ZHX2: variants seen among roughly 807,000 people sequenced by gnomAD.
The protein encoded by ZHX2 is zinc fingers and homeoboxes 2, also known as zinc fingers and homeoboxes protein 2.
Under a neutral mutation model 21.9 loss-of-function variants are expected in ZHX2, and 6 were observed. The ratio of observed to expected loss-of-function variants is 0.27; its 90% CI spans 0.15 to 0.54. The LOEUF is 0.54. Among genes scored for constraint, ZHX2 ranks in the 20% least tolerant of loss-of-function variants. ZHX2 has a pLI of 0.95. For synonymous variants in ZHX2, 434 were observed against 437.1 expected (o/e 0.99, Z 0.09); for missense variants, 908 against 1,090.7 (o/e 0.83, Z 2.36).
rs191609540 is a variant in ZHX2 at position 122,961,599 on chromosome 8, C to T, written c.*4+7571C>T. Among the ~76,000 whole-genome samples, 812 of 152,136 alleles carry T rather than the reference C, an allele frequency of 5.3e-3. 4 individuals are homozygous for T. Among genetic ancestry groups the T allele is most frequent in the African/African-American group, 0.018 (741 of 41,462 alleles). The stretch of plus-strand genomic sequence containing the variant: ...GGAAACTTACGATCATGGCGGAAGG[C>T]GAAGGGGAAGCAAGGCACCTTCTTC... On this transcript the variant is annotated intron_variant, in intron 3 of 3. Transcript: ENST00000314393.
rs368060235 is a variant in ZHX2 at position 122,799,868 on chromosome 8, T to C, written c.-283+17922T>C. Among the ~76,000 whole-genome samples, 10 of 152,344 alleles carry C rather than the reference T, an allele frequency of 6.6e-5. No homozygotes were observed. In the South Asian group the frequency reaches 2.1e-3, roughly 32 times the overall value. On this transcript the variant is annotated intron_variant, in intron 1 of 3. Transcript: ENST00000314393. ...CTTTTCTTTTCTTTTTCTTTTTGCT[T>C]TTCTTTTTTTTTGAGATGGAGTTTC...
intron 2 of ZHX2, among the ~76,000 whole-genome samples, chr8:122,932,986 C>CTTCACCAT (rs1006514142): frequency 2.0e-5 from 3 of 152,088 alleles, no homozygotes; most frequent in African/African-American, 7.2e-5. Context: ...AAGAGTAAAC[C>CTTCACCAT]TTCACCATTT....
intron 2 of ZHX2, among the ~76,000 whole-genome samples, chr8:122,933,142 GC>G (rs989383986): frequency 6.6e-6 from 1 of 152,170 alleles, no homozygotes; most frequent in Non-Finnish European, 1.5e-5. Flanking sequence ...CTGCTGAAAA[GC>G]CCTGTCTCGC....
intron 1 of ZHX2, among the ~76,000 whole-genome samples, chr8:122,848,595 C>T (rs986413029): frequency 2.6e-5 from 4 of 152,168 alleles, no homozygotes; most frequent in African/African-American, 9.7e-5. Flanking sequence ...TTGCAGGTCC[C>T]ACTGTCCATC....
chr8:122,879,128 C>G (rs1376647543), intron 2 of ZHX2, among the ~76,000 whole-genome samples: 2 of 152,214 alleles, frequency 1.3e-5, no homozygotes, highest in African/African-American at 4.8e-5. Flanking sequence ...GAATCTGTTA[C>G]TCAAGGATTC....
chr8:122,902,331 A>G (rs1820252553), intron 2 of ZHX2, among the ~76,000 whole-genome samples: 1 of 152,208 alleles, frequency 6.6e-6, no homozygotes, highest in Non-Finnish European at 1.5e-5. Flanking sequence ...AAGAGACAGC[A>G]TGACATAATG....
rs569189473 is a variant in ZHX2 at position 122,853,159 on chromosome 8, T to G, written c.-282-10318T>G. ...TGATTTTAACAAATACAGCCTTTGA[T>G]CACTCTCAGCTACCTGCCACACTGG... On this transcript the variant is annotated intron_variant, in intron 1 of 3. Coordinates refer to ENST00000314393, the MANE Select transcript of ZHX2 (RefSeq NM_014943.5). 2.0e-5 allele frequency among the ~76,000 whole-genome samples: 3 copies of G among 152,304 alleles called. No homozygotes were observed. In the East Asian group the frequency reaches 5.8e-4, roughly 29 times the overall value.
At chr8:122,919,386 C>T (rs1049273699) in intron 2 of ZHX2, among the ~76,000 whole-genome samples, 2 of 152,180 alleles carry the variant, frequency 1.3e-5, no homozygotes, top group African/African-American at 4.8e-5. Flanking sequence ...TCTATTTTTT[C>T]TGCTCCAACA....
chr8:122,867,841 C>A (rs1819336466), intron 2 of ZHX2, among the ~76,000 whole-genome samples: 1 of 152,198 alleles, frequency 6.6e-6, no homozygotes. Flanking sequence ...GAAAGCATAG[C>A]TTTTTTCTTG....
At chr8:122,900,603 A>T (rs1414161422) in intron 2 of ZHX2, among the ~76,000 whole-genome samples, 1 of 152,134 alleles carries the variant, frequency 6.6e-6, no homozygotes, top group South Asian at 2.1e-4. Context: ...GTGGGTTCTG[A>T]TATCTGAGGC....
chr8:122,961,142 C>G (rs1376973230), intron 3 of ZHX2, among the ~76,000 whole-genome samples: 1 of 152,194 alleles, frequency 6.6e-6, no homozygotes, highest in African/African-American at 2.4e-5. Context: ...CTCAGGACAC[C>G]AGCAGGGTTA....
At chr8:122,790,190 G>A (rs7835169) in intron 1 of ZHX2, among the ~76,000 whole-genome samples, 1 of 152,202 alleles carries the variant, frequency 6.6e-6, no homozygotes, top group East Asian at 1.9e-4. Flanking sequence ...GTAGGATCCA[G>A]GAATGCTCTA....
chr8:122,935,094 G>A (rs1038216672), intron 2 of ZHX2, among the ~76,000 whole-genome samples: 3 of 151,408 alleles, frequency 2.0e-5, no homozygotes, highest in African/African-American at 7.3e-5. Context: ...TATTATTTGG[G>A]ATTAAAATTT....
intron 2 of ZHX2, among the ~76,000 whole-genome samples, chr8:122,920,880 C>G (rs1034656494): frequency 2.6e-5 from 4 of 152,068 alleles, no homozygotes; most frequent in Admixed American, 2.6e-4. Context: ...TCCATATGGG[C>G]GGGCTGGACA....
chr8:122,902,771 A>AGTT (rs1820261621), intron 2 of ZHX2, among the ~76,000 whole-genome samples: 1 of 152,202 alleles, frequency 6.6e-6, no homozygotes, highest in Non-Finnish European at 1.5e-5. Context: ...AATAATGTTT[A>AGTT]ATTATTGTTA....
At chr8:122,867,988 C>A (rs10109650) in intron 2 of ZHX2, among the ~76,000 whole-genome samples, 60,309 of 151,976 alleles carry the variant, frequency 0.4, 12,159 homozygotes, top group Admixed American at 0.48. Flanking sequence ...CCACTTAATT[C>A]TTCAGCCTGA....
chr8:122,822,894 G>T (rs1021410902), intron 1 of ZHX2, among the ~76,000 whole-genome samples: 2 of 152,244 alleles, frequency 1.3e-5, no homozygotes, highest in Non-Finnish European at 2.9e-5. Context: ...AGTGTGGCAG[G>T]CTGGAAGGCT....
intron 3 of ZHX2, among the ~76,000 whole-genome samples, chr8:122,969,398 C>T (rs1332369919): frequency 6.6e-6 from 1 of 152,054 alleles, no homozygotes; most frequent in East Asian, 1.9e-4. Context: ...TATATCCTTA[C>T]CTCCCCACTG....
intron 1 of ZHX2, among the ~76,000 whole-genome samples, chr8:122,787,587 T>C (rs1817422087): frequency 6.6e-6 from 1 of 152,238 alleles, no homozygotes; most frequent in Non-Finnish European, 1.5e-5. Context: ...GACCATTTCC[T>C]GTCAAGTTCA....
Sources: allele counts gnomAD v4.1 joint callset (sites outside exome capture counted in the v4.1 genomes callset), GRCh38; gene constraint gnomAD v4.1.1; transcripts MANE v1.5; gene names NCBI Gene and HGNC (gene_info 2026-07-23, HGNC 2026-07-21).